CBLIF: variants seen among roughly 807,000 people sequenced by gnomAD.
CBLIF encodes the protein cobalamin binding intrinsic factor.
Under a neutral mutation model 44.9 loss-of-function variants are expected in CBLIF, and 24 were observed. The observed-to-expected ratio is 0.53, with a 90% CI of 0.39 to 0.75. The LOEUF is 0.75. CBLIF is among the 30% of genes least tolerant of loss of function. The probability of loss-of-function intolerance (pLI) is 0.00; values close to 1 mark genes in which losing one functional copy is unlikely to be tolerated. For missense variants in CBLIF, 481 were observed against 513.0 expected (o/e 0.94, Z 0.60); for synonymous variants, 183 against 190.9 (o/e 0.96, Z 0.34).
At chr11:59,830,690 AC>A (rs1249681265) in intron 8 of CBLIF, among the ~76,000 whole-genome samples, 3 of 152,224 alleles carry the variant, frequency 2.0e-5, no homozygotes, top group Admixed American at 2.0e-4. Flanking sequence ...CATGCAAAAA[AC>A]ATTGTACTTA....
intron 5 of CBLIF, among the ~76,000 whole-genome samples, chr11:59,839,096 G>T (rs1290600716): frequency 6.6e-6 from 1 of 152,006 alleles, no homozygotes; most frequent in Non-Finnish European, 1.5e-5. Flanking sequence ...TGATCTGCCC[G>T]CCTCGTCCTC....
chr11:59,834,871 G>T (rs1027472470), intron 7 of CBLIF, among the ~76,000 whole-genome samples: 1 of 152,102 alleles, frequency 6.6e-6, no homozygotes, highest in African/African-American at 2.4e-5. Flanking sequence ...GTGTGGGTCC[G>T]TGTATCCCAG....
rs751368005 is a variant in CBLIF at position 59,831,698 on chromosome 11, C to G, written c.1172G>C (p.Gly391Ala). 2 of 1,543,428 alleles carry G rather than the reference C, an allele frequency of 1.3e-6. No homozygotes were observed. Among genetic ancestry groups the G allele is most frequent in the East Asian group, 4.5e-5 (2 of 44,530 alleles). Residue 391 changes from glycine to alanine, a missense_variant, in exon 8 of 9, where the codon GGT (glycine) becomes GCT (alanine). Transcript: ENST00000257248. ...NHKTYWQFLSGVTPLNEGVAD... is the reference protein window; with the variant it reads ...NHKTYWQFLSAVTPLNEGVAD... The stretch of plus-strand genomic sequence containing the variant: ...CTCACCTTCATTCAAAGGTGTTACA[C>G]CACTAAGAAACTGCCAGTATGTCTT...
chr11:59,833,657 G>A (rs1034712212), intron 7 of CBLIF, among the ~76,000 whole-genome samples: 3 of 152,252 alleles, frequency 2.0e-5, no homozygotes, highest in African/African-American at 7.2e-5. Context: ...AGATACCCAC[G>A]TGGTATCACT....
intron 7 of CBLIF, among the ~76,000 whole-genome samples, chr11:59,835,516 T>C (rs1167497941): frequency 6.6e-6 from 1 of 152,204 alleles, no homozygotes; most frequent in Non-Finnish European, 1.5e-5. Context: ...TCTTCCTAAA[T>C]AGTACCTATT....
intron 5 of CBLIF, among the ~76,000 whole-genome samples, chr11:59,840,483 C>G (rs1463026915): frequency 6.6e-6 from 1 of 152,188 alleles, no homozygotes; most frequent in Non-Finnish European, 1.5e-5. Context: ...GGCTGCTGCC[C>G]TAATCAACTA....
chr11:59,838,273 A>G (rs902616519), intron 5 of CBLIF, among the ~76,000 whole-genome samples: 1 of 152,204 alleles, frequency 6.6e-6, no homozygotes, highest in African/African-American at 2.4e-5. Context: ...TATCTATCGC[A>G]TGAATAAAAT....
intron 2 of CBLIF, 145 bp downstream of exon 2, chr11:59,843,734 C>T: frequency 1.4e-6 from 1 of 714,648 alleles, no homozygotes; most frequent in East Asian, 2.7e-5. Flanking sequence ...TTCCAGGTAC[C>T]TTCCAGGTAT....
intron 1 of CBLIF, 69 bp from the exon 2 acceptor site, chr11:59,844,124 C>T (rs143990554): frequency 6.7e-6 from 8 of 1,201,600 alleles, no homozygotes; most frequent in Middle Eastern, 1.9e-4. Context: ...ATCCCCGTGT[C>T]TTTGATGCTT....
intron 7 of CBLIF, among the ~76,000 whole-genome samples, chr11:59,833,652 C>T (rs969164127): frequency 6.6e-6 from 1 of 152,112 alleles, no homozygotes; most frequent in Admixed American, 6.5e-5. Context: ...GGAATAGATA[C>T]CCACGTGGTA....
chr11:59,836,269 T>C (rs1328968867), intron 6 of CBLIF, among the ~76,000 whole-genome samples: 1 of 152,168 alleles, frequency 6.6e-6, no homozygotes, highest in Non-Finnish European at 1.5e-5. Flanking sequence ...TGGGATCAGT[T>C]TGCTTGATTT....
At position 59,831,577 on chromosome 11, in the gene CBLIF, TATTA is replaced by T. The variant is rs755903754; in HGVS notation, c.1192+97_1192+100del. ...TTGTATATACACATGATCTCATAAT[TATTA>T]ATTAAGTGAATGAATGAATAAATTA... is the stretch of plus-strand genomic sequence containing the variant. On this transcript the variant is annotated intron_variant, in intron 8 of 8. Coordinates refer to ENST00000257248, the MANE Select transcript of CBLIF (RefSeq NM_005142.3). 81 of 710,420 alleles carry T rather than the reference TATTA, an allele frequency of 1.1e-4. 1 individual carries two copies. Among genetic ancestry groups the T allele is most frequent in the Middle Eastern group, 7.7e-4 (3 of 3,884 alleles). The allele number at this position is 710,420 out of a possible 1,614,324, so 44.0% of individuals were successfully genotyped here. A position where few individuals can be genotyped will look rare whatever the true frequency, so the allele number is the denominator to read the frequency against.
chr11:59,830,170 G>A (rs1174309783), intron 8 of CBLIF, among the ~76,000 whole-genome samples: 4 of 151,612 alleles, frequency 2.6e-5, no homozygotes, highest in Non-Finnish European at 1.5e-5. Context: ...TTTCTCCCAG[G>A]GAAGAAAAGT....
chr11:59,844,790 T>C (rs1472382496), intron 1 of CBLIF, among the ~76,000 whole-genome samples: 1 of 152,120 alleles, frequency 6.6e-6, no homozygotes. Flanking sequence ...AGCCACTGAG[T>C]GTCTGTCTTT....
Position 59,845,474 on chromosome 11 carries a change from T to C in CBLIF, c.-21A>G. The stretch of plus-strand genomic sequence containing the variant: ...GCCATCTCACTCTCTCGTCTATGTC[T>C]CTCATCCACAGGTACCGCGATTTGC... On this transcript the variant is annotated 5_prime_UTR_variant, in exon 1 of 9. Coordinates refer to ENST00000257248, the MANE Select transcript of CBLIF (RefSeq NM_005142.3). 1 of 1,513,834 alleles carries C rather than the reference T, an allele frequency of 6.6e-7. No individual in the cohort carries two copies. The allele number at this position is 1,513,834 out of a possible 1,614,324, so 93.8% of individuals were successfully genotyped here. A position where few individuals can be genotyped will look rare whatever the true frequency, so the allele number is the denominator to read the frequency against.
intron 7 of CBLIF, among the ~76,000 whole-genome samples, chr11:59,832,183 A>G (rs986636815): frequency 1.3e-5 from 2 of 152,172 alleles, no homozygotes; most frequent in African/African-American, 4.8e-5. Context: ...GCTGCAATGG[A>G]CATGGATGGA....
At chr11:59,844,188 A>G in intron 1 of CBLIF, 133 bp from the exon 2 acceptor site, 1 of 744,796 alleles carries the variant, frequency 1.3e-6, no homozygotes, top group Non-Finnish European at 2.3e-6. Flanking sequence ...CCCAGGCTAG[A>G]GTGCAATGGC....
intron 7 of CBLIF, among the ~76,000 whole-genome samples, chr11:59,834,280 C>CT (rs1256248137): frequency 8.8e-5 from 12 of 135,630 alleles, no homozygotes. Context: ...TTCTTTCTTT[C>CT]TTTCTTTCTT....
intron 5 of CBLIF, among the ~76,000 whole-genome samples, chr11:59,838,292 T>C (rs180863469): frequency 7.2e-5 from 11 of 152,312 alleles, no homozygotes; most frequent in African/African-American, 2.2e-4. Flanking sequence ...ATAGAAATAA[T>C]AACTTCTGTC....
Sources: allele counts gnomAD v4.1 joint callset (sites outside exome capture counted in the v4.1 genomes callset), GRCh38; gene constraint gnomAD v4.1.1; transcripts MANE v1.5; gene names NCBI Gene and HGNC (gene_info 2026-07-23, HGNC 2026-07-21).